PDIA5: variants seen among roughly 807,000 people sequenced by gnomAD.
The protein encoded by PDIA5 is protein disulfide isomerase family A member 5.
A neutral mutation model predicts 77.6 loss-of-function variants in PDIA5; 58 were observed. That is an observed-to-expected ratio of 0.75 (90% CI 0.61 to 0.93). PDIA5 has a LOEUF of 0.93. PDIA5 is among the 40% of genes least tolerant of loss of function. The probability of loss-of-function intolerance (pLI) is 0.00; values close to 1 mark genes in which losing one functional copy is unlikely to be tolerated. For missense variants in PDIA5, 630 were observed against 647.7 expected, an observed-to-expected ratio of 0.97 and a Z score of 0.30; for synonymous variants, 250 against 252.1, an observed-to-expected ratio of 0.99 and a Z score of 0.08.
intron 13 of PDIA5, 59 bp from the exon 14 acceptor site, chr3:123,150,175 C>T: frequency 6.5e-6 from 9 of 1,394,262 alleles, no homozygotes; most frequent in Non-Finnish European, 8.0e-6. Context: ...GGTGGATTTC[C>T]TTGCCCATCT....
In PDIA5 at chr3:123,157,315, T is replaced by G. The variant is rs570691332; in HGVS notation, c.1344+2274T>G. On this transcript the variant is annotated intron_variant, in intron 15 of 16. Transcript: ENST00000316218. ...GCTCCAGGCATGGCACTGTGACTACTGGGTCCCATCCTACAACTATCAGAT... is the reference window on the plus strand; with the variant it reads ...GCTCCAGGCATGGCACTGTGACTACGGGGTCCCATCCTACAACTATCAGAT... 2.0e-5 allele frequency among the ~76,000 whole-genome samples: 3 copies of G among 152,342 alleles called. No individual in the cohort carries two copies. The South Asian group carries it at 6.2e-4, about 32-fold the overall frequency.
intron 2 of PDIA5, among the ~76,000 whole-genome samples, chr3:123,091,714 C>G (rs560408572): frequency 6.6e-6 from 1 of 152,316 alleles, no homozygotes; most frequent in Non-Finnish European, 1.5e-5. Context: ...GAGGTGCTAC[C>G]AGGACCAGCT....
intron 15 of PDIA5, among the ~76,000 whole-genome samples, chr3:123,160,048 A>G (rs761652889): frequency 9.9e-5 from 15 of 152,202 alleles, no homozygotes; most frequent in Admixed American, 7.9e-4. Flanking sequence ...ATTGAGCTCT[A>G]TCTAAAATGA....
intron 1 of PDIA5, among the ~76,000 whole-genome samples, chr3:123,071,808 G>A (rs1352879387): frequency 1.3e-5 from 2 of 152,180 alleles, no homozygotes; most frequent in Non-Finnish European, 2.9e-5. Context: ...CCTGGCTGTA[G>A]TGTCCCCAGC....
intron 7 of PDIA5, among the ~76,000 whole-genome samples, chr3:123,115,392 G>A (rs2107946763): frequency 6.6e-6 from 1 of 152,308 alleles, no homozygotes; most frequent in Non-Finnish European, 1.5e-5. Context: ...GAGTCCAGGA[G>A]TTCAAGGCCC....
intron 10 of PDIA5, among the ~76,000 whole-genome samples, chr3:123,126,548 A>T (rs1935249913): frequency 6.6e-6 from 1 of 152,178 alleles, no homozygotes; most frequent in African/African-American, 2.4e-5. Flanking sequence ...AAGATAGCAT[A>T]TTGTTATTAT....
At chr3:123,144,123 G>C (rs1935704301) in intron 11 of PDIA5, among the ~76,000 whole-genome samples, 1 of 152,180 alleles carries the variant, frequency 6.6e-6, no homozygotes, top group African/African-American at 2.4e-5. Flanking sequence ...CTTGGAGGAG[G>C]AGACAGGAGC....
intron 3 of PDIA5, among the ~76,000 whole-genome samples, chr3:123,099,977 A>C (rs1441014762): frequency 6.6e-6 from 1 of 152,254 alleles, no homozygotes; most frequent in Non-Finnish European, 1.5e-5. Flanking sequence ...GGCAATGAGC[A>C]AGCCCTTCGC....
chr3:123,153,800 C>G (rs1375994807), intron 14 of PDIA5, among the ~76,000 whole-genome samples: 1 of 152,236 alleles, frequency 6.6e-6, no homozygotes, highest in Non-Finnish European at 1.5e-5. Context: ...TTTGGTTTCA[C>G]AAAACCCTTT....
At chr3:123,075,238 G>C (rs1371139381) in intron 1 of PDIA5, among the ~76,000 whole-genome samples, 1 of 152,212 alleles carries the variant, frequency 6.6e-6, no homozygotes, top group Non-Finnish European at 1.5e-5. Flanking sequence ...ACTGCTGAGT[G>C]AGCAGGACGT....
At chr3:123,119,759 T>G (rs1935064350) in intron 8 of PDIA5, among the ~76,000 whole-genome samples, 1 of 152,228 alleles carries the variant, frequency 6.6e-6, no homozygotes, top group African/African-American at 2.4e-5. Flanking sequence ...CACCCCCTCC[T>G]CGCTGCTGAA....
chr3:123,128,619 C>T (rs1935296624), intron 10 of PDIA5, among the ~76,000 whole-genome samples: 1 of 152,116 alleles, frequency 6.6e-6, no homozygotes, highest in Non-Finnish European at 1.5e-5. Flanking sequence ...GCGATCCTCC[C>T]ACCTCAGCCT....
chr3:123,152,111 T>TCCTGCCTTCCTTCCTGCCTG (rs1553805959), intron 14 of PDIA5, among the ~76,000 whole-genome samples: 2 of 74,538 alleles, frequency 2.7e-5, no homozygotes, highest in Admixed American at 1.2e-4. Flanking sequence ...CTTCCTTCCT[T>TCCTGCCTTCCTTCCTGCCTG]CCTTCCTTCC....
chr3:123,148,289 C>T (rs73197510), intron 13 of PDIA5, among the ~76,000 whole-genome samples: 47 of 152,184 alleles, frequency 3.1e-4, no homozygotes, highest in Non-Finnish European at 5.7e-4. Context: ...TGAAACTGGC[C>T]GGGCACGGTG....
At chr3:123,073,332 G>T (rs962760101) in intron 1 of PDIA5, among the ~76,000 whole-genome samples, 4 of 152,164 alleles carry the variant, frequency 2.6e-5, no homozygotes, top group African/African-American at 9.7e-5. Flanking sequence ...AAAGAGATAG[G>T]TGGGGACCAC....
chr3:123,120,432 T>C (rs945912941), intron 8 of PDIA5, among the ~76,000 whole-genome samples: 9 of 152,310 alleles, frequency 5.9e-5, no homozygotes, highest in Admixed American at 4.6e-4. Context: ...AGAGCACTCA[T>C]AGACACAGAT....
chr3:123,152,519 AAAT>A (rs1162042960), intron 14 of PDIA5, among the ~76,000 whole-genome samples: 1 of 152,220 alleles, frequency 6.6e-6, no homozygotes, highest in Admixed American at 6.5e-5. Flanking sequence ...TTAATAATGA[AAAT>A]AATAATACCT....
chr3:123,105,658 G>C (rs1934706599), intron 5 of PDIA5, among the ~76,000 whole-genome samples: 1 of 152,146 alleles, frequency 6.6e-6, no homozygotes, highest in Non-Finnish European at 1.5e-5. Context: ...TCCTCTCCGT[G>C]TGTGACCAGT....
At chr3:123,079,140 T>A (rs1325905478) in intron 1 of PDIA5, among the ~76,000 whole-genome samples, 1 of 152,094 alleles carries the variant, frequency 6.6e-6, no homozygotes, top group African/African-American at 2.4e-5. Flanking sequence ...TTTTGTTTAC[T>A]TATAGTTGTG....
Sources: allele counts gnomAD v4.1 joint callset (sites outside exome capture counted in the v4.1 genomes callset), GRCh38; gene constraint gnomAD v4.1.1; transcripts MANE v1.5; gene names NCBI Gene and HGNC (gene_info 2026-07-23, HGNC 2026-07-21).